DNMT3A: variants seen among roughly 807,000 people sequenced by gnomAD.
The protein encoded by DNMT3A is DNA methyltransferase 3 alpha.
Under a neutral mutation model 117.6 loss-of-function variants are expected in DNMT3A, and 267 were observed. That is an observed-to-expected ratio of 2.27 (90% CI 2.05 to 2.51). DNMT3A has a LOEUF of 2.51. Among genes scored for constraint, DNMT3A ranks in the 30% most tolerant of loss-of-function variants. The pLI is 0.00. For missense variants in DNMT3A, 1,029 were observed against 1,260.2 expected, an observed-to-expected ratio of 0.82 and a Z score of 2.78; for synonymous variants, 432 against 474.8, an observed-to-expected ratio of 0.91 and a Z score of 1.17.
intron 2 of DNMT3A, among the ~76,000 whole-genome samples, chr2:25,302,521 G>C (rs922733728): frequency 6.6e-6 from 1 of 152,214 alleles, no homozygotes; most frequent in Non-Finnish European, 1.5e-5. Flanking sequence ...ATCCTTCAGG[G>C]GCTCTTTTCA....
At position 25,236,792 on chromosome 2, in the gene DNMT3A, T is replaced by G. The variant is rs1673413067; in HGVS notation, c.2478+144A>C. 5 of 822,614 alleles carry G rather than the reference T, an allele frequency of 6.1e-6. No homozygotes were observed. In the East Asian group the frequency reaches 1.5e-4, roughly 24 times the overall value. The allele number at this position is 822,614 out of a possible 1,614,324, so 51.0% of individuals were successfully genotyped here. A position where few individuals can be genotyped will look rare whatever the true frequency, so the allele number is the denominator to read the frequency against. On this transcript the variant is annotated intron_variant, in intron 21 of 22. Transcript: ENST00000321117. The surrounding 1 kb of genome is among the most constrained non-coding windows in gnomAD (Gnocchi z 4.5). The stretch of plus-strand genomic sequence containing the variant: ...CTGGGCCCTCCTCTGGCTGCCCTGC[T>G]GCATGACCCTGCACCGTCTCCTAAA...
chr2:25,246,943 G>A lies in DNMT3A; in HGVS notation c.1122+108C>T. ...GGGCGAGCGAGGTGGAGAGAAAGGA[G>A]TCGCTGCCTCCTGGGCCTCCGTTCT... On this transcript the variant is annotated intron_variant, in intron 9 of 22. Transcript: ENST00000321117. 4.1e-6 allele frequency: 6 copies of A among 1,467,116 alleles called. No individual in the cohort carries two copies. In the South Asian group the frequency reaches 7.6e-5, roughly 19 times the overall value. 90.9% of individuals were successfully genotyped at this position (1,467,116 alleles called of 1,614,324 possible).
At chr2:25,295,044 C>G (rs1337442906) in intron 3 of DNMT3A, among the ~76,000 whole-genome samples, 2 of 152,086 alleles carry the variant, frequency 1.3e-5, no homozygotes, top group Admixed American at 6.6e-5. Context: ...GGGCCACTCA[C>G]CCCCCAGGGC....
At position 25,337,508 on chromosome 2, in the gene DNMT3A, A is replaced by G. The variant is rs920514414; in HGVS notation, c.-178+4318T>C. Among the ~76,000 whole-genome samples, 1 of 152,174 alleles carries G rather than the reference A, an allele frequency of 6.6e-6. No individual in the cohort carries two copies. The highest frequency in any genetic ancestry group is 2.4e-5 in the African/African-American group (1 of 41,438). ...GAGGAAACTGAGGCCCAGGGAATCG[A>G]GTTGTTGCCCAAGTTCCTGCCGCTG... On this transcript the variant is annotated intron_variant, in intron 1 of 22. Transcript: ENST00000321117. The surrounding 1 kb of genome is among the most constrained non-coding windows in gnomAD (Gnocchi z 5.0).
At chr2:25,263,428 G>C (rs980507119) in intron 6 of DNMT3A, among the ~76,000 whole-genome samples, 1 of 152,096 alleles carries the variant, frequency 6.6e-6, no homozygotes, top group Non-Finnish European at 1.5e-5. Context: ...GTGTGCCTCT[G>C]GGACAGGGAC....
intron 1 of DNMT3A, among the ~76,000 whole-genome samples, chr2:25,333,658 G>C (rs1000150351): frequency 6.6e-6 from 1 of 152,280 alleles, no homozygotes; most frequent in Non-Finnish European, 1.5e-5. Flanking sequence ...GAGCAGCAGG[G>C]CCTTACAGAG....
chr2:25,288,406 C>T (rs956150193), intron 3 of DNMT3A, among the ~76,000 whole-genome samples: 1 of 151,338 alleles, frequency 6.6e-6, no homozygotes, highest in Non-Finnish European at 1.5e-5. Flanking sequence ...TTTTTTGAGA[C>T]GGAGTCTCGC....
In DNMT3A at chr2:25,228,231, A is replaced by AAAAAAAAAAAAAAAAAAAAAAAAG; in HGVS notation, c.*6047_*6048insCTTTTTTTTTTTTTTTTTTTTTTT. On this transcript the variant is annotated 3_prime_UTR_variant, in exon 23 of 23. Transcript: ENST00000321117. ...AAAAAAAAAAAAAAAAAAAAAAAAA[A>AAAAAAAAAAAAAAAAAAAAAAAAG]AAAAAAAAAAAAAAAAAAAAATACA... is the stretch of plus-strand genomic sequence containing the variant. 7.5e-6 allele frequency: 1 copy of AAAAAAAAAAAAAAAAAAAAAAAAG among 133,774 alleles called. No individual in the cohort carries two copies. Among genetic ancestry groups the AAAAAAAAAAAAAAAAAAAAAAAAG allele is most frequent in the Middle Eastern group, 3.4e-3 (1 of 298 alleles). 8.3% of individuals were successfully genotyped at this position (133,774 alleles called of 1,614,324 possible).
intron 3 of DNMT3A, among the ~76,000 whole-genome samples, chr2:25,285,601 T>TA (rs1452126481): frequency 1.3e-5 from 2 of 152,116 alleles, no homozygotes; most frequent in Non-Finnish European, 2.9e-5. Flanking sequence ...AGGTGACTGG[T>TA]AAAAGCGAGA....
rs2033722616 is a variant in DNMT3A at position 25,305,210 on chromosome 2, A to T, written c.73-4967T>A. Among the ~76,000 whole-genome samples the T allele has an allele frequency of 6.6e-6, 1 of 152,250 alleles. No individual in the cohort carries two copies. Among genetic ancestry groups the T allele is most frequent in the Non-Finnish European group, 1.5e-5 (1 of 68,046 alleles). On this transcript the variant is annotated intron_variant, in intron 2 of 22. Coordinates refer to ENST00000321117, the MANE Select transcript of DNMT3A (RefSeq NM_022552.5). This position sits in a 1 kb window ranked among gnomAD's most constrained non-coding sequence, Gnocchi z 4.1. ...TTACGATTCCAGATTAGGAAACAAG[A>T]GGACTAAAACGTCCCTTCTAGACTT...
intron 6 of DNMT3A, chr2:25,251,823 G>C (rs534800749): frequency 6.2e-6 from 2 of 322,380 alleles, no homozygotes; most frequent in East Asian, 5.0e-5. Flanking sequence ...CACCAGGGAA[G>C]TGCCAGGCAC....
In DNMT3A at chr2:25,233,513, G is replaced by A. The variant is rs543601250; in HGVS notation, c.*766C>T. On this transcript the variant is annotated 3_prime_UTR_variant, in exon 23 of 23. Coordinates refer to ENST00000321117, the MANE Select transcript of DNMT3A (RefSeq NM_022552.5). Reference sequence around the variant, plus strand: ...TAAACTGTAAACAAGAGGTAACAGCGGCTTCTAGAAACTGATTTTCTTCAA... The same window carrying A: ...TAAACTGTAAACAAGAGGTAACAGCAGCTTCTAGAAACTGATTTTCTTCAA... 1.3e-5 allele frequency: 3 copies of A among 233,014 alleles called. No individual in the cohort carries two copies. Among genetic ancestry groups the A allele is most frequent in the Non-Finnish European group, 2.5e-5 (3 of 117,904 alleles). 14.4% of individuals were successfully genotyped at this position (233,014 alleles called of 1,614,324 possible). A position where few individuals can be genotyped will look rare whatever the true frequency, so the allele number is the denominator to read the frequency against.
chr2:25,278,153 C>G (rs190909537), intron 4 of DNMT3A, among the ~76,000 whole-genome samples: 1 of 152,202 alleles, frequency 6.6e-6, no homozygotes, highest in Non-Finnish European at 1.5e-5. Flanking sequence ...TGCTCCTGGC[C>G]CAGGCCCAGG....
At chr2:25,270,329 G>T (rs143004447) in intron 6 of DNMT3A, among the ~76,000 whole-genome samples, 2 of 152,150 alleles carry the variant, frequency 1.3e-5, no homozygotes, top group Non-Finnish European at 2.9e-5. Flanking sequence ...CCCCATTCAG[G>T]GCAGCTCTTT....
intron 6 of DNMT3A, chr2:25,249,868 T>C (rs1675299349): frequency 1.1e-6 from 1 of 909,226 alleles, no homozygotes; most frequent in Non-Finnish European, 1.7e-6. Flanking sequence ...CCCCATTTTC[T>C]ACATGCCTTT....
At chr2:25,333,055 A>C (rs953984289) in intron 1 of DNMT3A, among the ~76,000 whole-genome samples, 4 of 152,240 alleles carry the variant, frequency 2.6e-5, no homozygotes, top group African/African-American at 9.6e-5. Context: ...GAGATCAAAA[A>C]AGGTACAGGC....
intron 2 of DNMT3A, 143 bp downstream of exon 2, chr2:25,313,770 C>A: frequency 7.8e-7 from 1 of 1,281,378 alleles, no homozygotes; most frequent in South Asian, 1.4e-5. Flanking sequence ...ATCACCCAAA[C>A]AGGGATGTGA....
rs1477908102 is a variant in DNMT3A at position 25,228,253 on chromosome 2, T to C, written c.*6026A>G. 1 of 27,404 alleles carries C rather than the reference T, an allele frequency of 3.6e-5. No homozygotes were observed. 1.7% of individuals were successfully genotyped at this position (27,404 alleles called of 1,614,324 possible). ...AAAAAAAAAAAAAAAAAAAAAAAAA[T>C]ACAGTGGTGAAAGGATGCTGGAACC... On this transcript the variant is annotated 3_prime_UTR_variant, in exon 23 of 23. Coordinates refer to ENST00000321117, the MANE Select transcript of DNMT3A (RefSeq NM_022552.5).
Position 25,231,129 on chromosome 2 carries a change from C to T in DNMT3A, c.*3150G>A, listed in dbSNP as rs1442394519. The T allele has an allele frequency of 6.6e-6, 1 of 152,450 alleles. No homozygotes were observed. Among genetic ancestry groups the T allele is most frequent in the South Asian group, 2.1e-4 (1 of 4,820 alleles). 9.4% of individuals were successfully genotyped at this position (152,450 alleles called of 1,614,324 possible). On this transcript the variant is annotated 3_prime_UTR_variant, in exon 23 of 23. Coordinates refer to ENST00000321117, the MANE Select transcript of DNMT3A (RefSeq NM_022552.5). ...AAGACTCTGTCCTGACCCTGGGAGC[C>T]GGGAAGACCTTAGCATTGGCCAGCG... is the stretch of plus-strand genomic sequence containing the variant.
Sources: gnomAD v4.1 joint callset for allele counts (sites outside exome capture counted in the v4.1 genomes callset) on GRCh38, gnomAD v4.1.1 for gene constraint, Gnocchi (gnomAD v3.1) non-coding constraint, MANE v1.5 for transcripts, NCBI Gene and HGNC (gene_info 2026-07-23, HGNC 2026-07-21) for gene names.